Variants in PPP1R13B observed in about 807,000 individuals in gnomAD.
PPP1R13B encodes apoptosis-stimulating of p53 protein 1.
In PPP1R13B, 44 loss-of-function variants were observed where a neutral mutation model predicts 119.8. That is an observed-to-expected ratio of 0.37 (90% CI 0.29 to 0.47). The LOEUF is 0.47. Among genes scored for constraint, PPP1R13B ranks in the 20% least tolerant of loss-of-function variants. The pLI is 0.99. For missense variants in PPP1R13B, 1,227 were observed against 1,413.5 expected (o/e 0.87, Z 2.12); for synonymous variants, 542 against 561.5 (o/e 0.97, Z 0.49).
intron 2 of PPP1R13B, among the ~76,000 whole-genome samples, chr14:103,790,539 G>A (rs1389287785): frequency 6.6e-6 from 1 of 151,960 alleles, no homozygotes; most frequent in Admixed American, 6.6e-5. Context: ...CACTTTGGGA[G>A]GCCAAGGCAG....
At chr14:103,748,821 G>A (rs2084464963) in intron 8 of PPP1R13B, among the ~76,000 whole-genome samples, 1 of 152,222 alleles carries the variant, frequency 6.6e-6, no homozygotes, top group Admixed American at 6.5e-5. Flanking sequence ...CCTGGGACCA[G>A]GGAATAGCTT....
intron 4 of PPP1R13B, among the ~76,000 whole-genome samples, chr14:103,777,568 CCAGGA>C (rs778281765): frequency 2.6e-5 from 4 of 152,056 alleles, no homozygotes; most frequent in Admixed American, 1.3e-4. Flanking sequence ...ACTGCCTGCT[CCAGGA>C]GAGGACATGG....
At chr14:103,794,727 G>A (rs1016846853) in intron 2 of PPP1R13B, 10 of 383,722 alleles carry the variant, frequency 2.6e-5, no homozygotes, top group African/African-American at 1.3e-4. Flanking sequence ...GGCTGTTACA[G>A]TGCTTGCCCT....
intron 1 of PPP1R13B, among the ~76,000 whole-genome samples, chr14:103,802,900 C>T (rs1403302922): frequency 6.6e-6 from 1 of 152,164 alleles, no homozygotes; most frequent in African/African-American, 2.4e-5. Flanking sequence ...CTCGCAATAA[C>T]CCTGTCTTTC....
intron 4 of PPP1R13B, among the ~76,000 whole-genome samples, chr14:103,761,378 T>TA (rs1417572123): frequency 2.0e-5 from 3 of 151,990 alleles, no homozygotes; most frequent in African/African-American, 7.2e-5. Context: ...TTACATACCT[T>TA]ATCCAATACC....
rs2084169101 is a variant in PPP1R13B, at chr14:103,738,505, G to C, written c.2864+174C>G. On this transcript the variant is annotated intron_variant, in intron 14 of 16. Transcript: ENST00000202556. This position sits in a 1 kb window ranked among gnomAD's most constrained non-coding sequence, Gnocchi z 5.6. Reference sequence around the variant, plus strand: ...TTTAACAAAATCATCAAGAGAAAAGGCTGGAAAAAAAGGCAAGGAAACCCT... The same window carrying C: ...TTTAACAAAATCATCAAGAGAAAAGCCTGGAAAAAAAGGCAAGGAAACCCT... The C allele has an allele frequency of 1.0e-6, 1 of 981,988 alleles. No homozygotes were observed. The highest frequency in any genetic ancestry group is 1.8e-5 in the South Asian group (1 of 57,026). 60.8% of individuals were successfully genotyped at this position (981,988 alleles called of 1,614,324 possible).
chr14:103,770,762 C>T (rs2085048916), intron 4 of PPP1R13B, among the ~76,000 whole-genome samples: 1 of 152,112 alleles, frequency 6.6e-6, no homozygotes, highest in Admixed American at 6.6e-5. Flanking sequence ...ACCTAAAAGG[C>T]AAGATAAAAC....
chr14:103,847,642 G>T (rs1274283598), upstream of PPP1R13B: 1 of 982,680 alleles, frequency 1.0e-6, no homozygotes, highest in East Asian at 1.1e-4. Context: ...CGCCCCGCAC[G>T]GGTCCCGTAG....
intron 1 of PPP1R13B, among the ~76,000 whole-genome samples, chr14:103,831,030 GC>G (rs2086654465): frequency 1.4e-5 from 2 of 147,452 alleles, no homozygotes; most frequent in Admixed American, 7.0e-5. Flanking sequence ...TGCAACCTCC[GC>G]CTCCCGAGTT....
At chr14:103,779,522 G>A (rs2085289728) in intron 3 of PPP1R13B, among the ~76,000 whole-genome samples, 1 of 151,320 alleles carries the variant, frequency 6.6e-6, no homozygotes, top group Admixed American at 6.6e-5. Context: ...AGCACTTTGG[G>A]AGGTGCTGGG....
intron 3 of PPP1R13B, 76 bp downstream of exon 3, chr14:103,784,719 T>C: frequency 7.1e-7 from 1 of 1,416,816 alleles, no homozygotes. Flanking sequence ...GTGAATAATT[T>C]AATATTTATT....
chr14:103,747,635 A>T (rs189405868), intron 8 of PPP1R13B, among the ~76,000 whole-genome samples: 328 of 152,176 alleles, frequency 2.2e-3, no homozygotes, highest in Middle Eastern at 0.02. Context: ...CACTGCACAC[A>T]ATTTGTAGTC....
In PPP1R13B at chr14:103,738,095, C is replaced by G. The variant is rs1323769126; in HGVS notation, c.2865-235G>C. ...AAGAAATGGCCAATCCACAGATGTT[C>G]ACGCCACACTGCATGGTGATGTGAA... is the stretch of plus-strand genomic sequence containing the variant. On this transcript the variant is annotated intron_variant, in intron 14 of 16. Coordinates refer to ENST00000202556, the MANE Select transcript of PPP1R13B (RefSeq NM_015316.3). This position sits in a 1 kb window ranked among gnomAD's most constrained non-coding sequence, Gnocchi z 5.6. Among the ~76,000 whole-genome samples the G allele has an allele frequency of 6.6e-6, 1 of 152,238 alleles. No individual in the cohort carries two copies. The highest frequency in any genetic ancestry group is 1.5e-5 in the Non-Finnish European group (1 of 68,050).
At chr14:103,822,211 T>C (rs1317304690) in intron 1 of PPP1R13B, among the ~76,000 whole-genome samples, 2 of 152,064 alleles carry the variant, frequency 1.3e-5, no homozygotes, top group African/African-American at 2.4e-5. Flanking sequence ...CTCAGCTCAC[T>C]GCAACCTCCG....
intron 1 of PPP1R13B, among the ~76,000 whole-genome samples, chr14:103,821,540 T>C (rs1225554478): frequency 6.6e-6 from 1 of 152,104 alleles, no homozygotes; most frequent in African/African-American, 2.4e-5. Flanking sequence ...TCACCTGAGG[T>C]TGGGAGTTCG....
Position 103,753,034 on chromosome 14 carries a change from G to A in PPP1R13B, c.794C>T (p.Ala265Val), listed in dbSNP as rs758046617. 1.1e-5 allele frequency: 18 copies of A among 1,614,048 alleles called. No individual in the cohort carries two copies. The highest frequency in any genetic ancestry group is 1.0e-4 in the Admixed American group (6 of 60,006). ...TTGGTACAGTCTTTTTAACTCCACC[G>A]CCGCTGGTCCCGTCAATTTGCCATT... ...SYNGKLTGPA[A>V]VELKRLYQEL... The change falls in exon 7 of 17, where the codon GCG becomes GTG. Residue 265 changes from alanine (A) to valine (V), a missense_variant. Coordinates refer to ENST00000202556, the MANE Select transcript of PPP1R13B (RefSeq NM_015316.3).
At chr14:103,836,580 C>G (rs2086784039) in intron 1 of PPP1R13B, among the ~76,000 whole-genome samples, 1 of 151,618 alleles carries the variant, frequency 6.6e-6, no homozygotes, top group Non-Finnish European at 1.5e-5. Flanking sequence ...ACCAGCCTAG[C>G]CAACATGGCG....
intron 1 of PPP1R13B, chr14:103,803,962 G>T (rs2085960657): frequency 1.3e-6 from 1 of 785,918 alleles, no homozygotes; most frequent in East Asian, 1.3e-4. Flanking sequence ...ACAGACTGTG[G>T]CTATTTATAG....
chr14:103,832,698 C>A lies in PPP1R13B; in HGVS notation c.9+14601G>T, dbSNP rs143104813. Among the ~76,000 whole-genome samples the A allele has an allele frequency of 4.2e-3, 644 of 152,286 alleles. 5 individuals are homozygous for A. Among genetic ancestry groups the A allele is most frequent in the Non-Finnish European group, 7.5e-3 (512 of 68,024 alleles). On this transcript the variant is annotated intron_variant, in intron 1 of 16. Transcript: ENST00000202556. Reference sequence around the variant, plus strand: ...CATCAGCTGGGCATGGTGGCCCATGCCTATAATCCCAGCATCCCAGCACTT... The same window carrying A: ...CATCAGCTGGGCATGGTGGCCCATGACTATAATCCCAGCATCCCAGCACTT...
Sources: allele counts gnomAD v4.1 joint callset (sites outside exome capture counted in the v4.1 genomes callset), GRCh38; gene constraint gnomAD v4.1.1; non-coding constraint Gnocchi (gnomAD v3.1); transcripts MANE v1.5; gene names NCBI Gene and HGNC (gene_info 2026-07-23, HGNC 2026-07-21).